WWOX: variants seen among roughly 807,000 people sequenced by gnomAD.
WWOX encodes the protein WW domain containing oxidoreductase.
Under a neutral mutation model 46.2 loss-of-function variants are expected in WWOX, and 69 were observed. That is an observed-to-expected ratio of 1.49 (90% CI 1.23 to 1.82). The LOEUF (loss-of-function observed/expected upper bound fraction) is 1.82, where lower values mean the gene tolerates loss of function less well. WWOX is among the 40% of genes most tolerant of loss of function. WWOX has a pLI of 0.00. For missense variants in WWOX, 919 were observed against 542.6 expected, an observed-to-expected ratio of 1.69 and a Z score of -6.89; for synonymous variants, 359 against 202.6, an observed-to-expected ratio of 1.77 and a Z score of -6.56.
intron 8 of WWOX, among the ~76,000 whole-genome samples, chr16:78,826,913 C>G (rs181825692): frequency 7.9e-5 from 12 of 152,316 alleles, no homozygotes; most frequent in Admixed American, 7.8e-4. Flanking sequence ...TCATTGATCA[C>G]ACACTACATG....
At position 78,346,576 on chromosome 16, in the gene WWOX, T is replaced by A. The variant is rs1399895897; in HGVS notation, c.517-40284T>A. Among the ~76,000 whole-genome samples the A allele has an allele frequency of 4.1e-5, 5 of 121,230 alleles. 1 individual carries two copies. The highest frequency in any genetic ancestry group is 3.9e-4 in the East Asian group (2 of 5,174). 79.5% of individuals were successfully genotyped at this position (121,230 alleles called of 152,430 possible). On this transcript the variant is annotated intron_variant, in intron 5 of 8. Coordinates refer to ENST00000566780, the MANE Select transcript of WWOX (RefSeq NM_016373.4). ...TAATAATACTTGATATTATTGGTCT[T>A]CTAAATTTTCTGTTTGGGTACATAG...
chr16:78,967,738 T>C (rs1170858959), intron 8 of WWOX, among the ~76,000 whole-genome samples: 1 of 151,920 alleles, frequency 6.6e-6, no homozygotes, highest in Non-Finnish European at 1.5e-5. Context: ...GGACCTGACT[T>C]AGGAGGACTC....
intron 8 of WWOX, among the ~76,000 whole-genome samples, chr16:78,740,782 C>T (rs968886341): frequency 3.3e-5 from 5 of 152,148 alleles, no homozygotes; most frequent in African/African-American, 7.2e-5. Context: ...GGTTGCAGCA[C>T]TCTGTGTGTG....
chr16:78,405,043 A>G (rs2082494898), intron 6 of WWOX, among the ~76,000 whole-genome samples: 1 of 152,184 alleles, frequency 6.6e-6, no homozygotes, highest in South Asian at 2.1e-4. Context: ...CCTATTTACA[A>G]TCAATGAGAT....
chr16:78,650,849 C>T (rs1203186824), intron 8 of WWOX, among the ~76,000 whole-genome samples: 2 of 152,154 alleles, frequency 1.3e-5, no homozygotes, highest in Non-Finnish European at 2.9e-5. Flanking sequence ...CTGATGTAGA[C>T]AGAATATTTC....
intron 8 of WWOX, among the ~76,000 whole-genome samples, chr16:78,625,744 TTTTTTGCCATTTGCCAATTACTTTTGCAG>T (rs2046296977): frequency 6.7e-6 from 1 of 148,548 alleles, no homozygotes; most frequent in African/African-American, 2.5e-5. Context: ...CTTCTGCAGT[TTTTTTGCCATTTGCCAATTACTTTTGCAG>T]TTTTTGCCAG....
intron 8 of WWOX, among the ~76,000 whole-genome samples, chr16:78,721,929 A>T (rs2048702101): frequency 6.6e-6 from 1 of 152,242 alleles, no homozygotes; most frequent in Admixed American, 6.5e-5. Flanking sequence ...CAACTTTGTA[A>T]ATGTGACTTT....
At chr16:79,108,001 A>G (rs117083354) in intron 8 of WWOX, among the ~76,000 whole-genome samples, 26 of 152,354 alleles carry the variant, frequency 1.7e-4, no homozygotes, top group East Asian at 3.9e-4. Flanking sequence ...CCTATTCAGC[A>G]TATGTATTAC....
intron 8 of WWOX, among the ~76,000 whole-genome samples, chr16:78,994,118 C>T (rs1329318266): frequency 6.6e-6 from 1 of 152,192 alleles, no homozygotes; most frequent in Admixed American, 6.5e-5. Flanking sequence ...TACCTGTCAA[C>T]ATTGGATAAA....
Position 78,969,174 on chromosome 16 carries a change from T to C in WWOX, c.1057-242434T>C, listed in dbSNP as rs553163175. 2.1e-3 allele frequency among the ~76,000 whole-genome samples: 314 copies of C among 152,104 alleles called. 1 individual carries two copies. Among genetic ancestry groups the C allele is most frequent in the Non-Finnish European group, 3.2e-3 (221 of 68,006 alleles). On this transcript the variant is annotated intron_variant, in intron 8 of 8. Coordinates refer to ENST00000566780, the MANE Select transcript of WWOX (RefSeq NM_016373.4). ...TGGTCTTATGGGTCTGGGCACTGAA[T>C]TCAGTCACAAACCCTAGCATGCTCC...
At chr16:78,514,457 A>G (rs566406051) in intron 8 of WWOX, among the ~76,000 whole-genome samples, 54 of 152,152 alleles carry the variant, frequency 3.5e-4, no homozygotes, top group Non-Finnish European at 5.7e-4. Context: ...TGTGGAGGTA[A>G]AAGCAGTGCA....
chr16:78,958,975 G>C (rs2046222391), intron 8 of WWOX, among the ~76,000 whole-genome samples: 1 of 152,202 alleles, frequency 6.6e-6, no homozygotes, highest in Non-Finnish European at 1.5e-5. Context: ...TAAATTATTT[G>C]CTAGGCCTTA....
At chr16:78,675,439 G>A (rs1251105455) in intron 8 of WWOX, among the ~76,000 whole-genome samples, 1 of 152,066 alleles carries the variant, frequency 6.6e-6, no homozygotes, top group African/African-American at 2.4e-5. Context: ...TAATTTATTG[G>A]TTATTTATTT....
intron 8 of WWOX, among the ~76,000 whole-genome samples, chr16:78,493,243 A>G (rs2084830093): frequency 6.6e-6 from 1 of 152,200 alleles, no homozygotes; most frequent in Non-Finnish European, 1.5e-5. Context: ...CTCTTTAACC[A>G]TAAGCAGAAG....
chr16:78,240,331 CAAA>C (rs1193525989), intron 5 of WWOX, among the ~76,000 whole-genome samples: 3 of 151,736 alleles, frequency 2.0e-5, no homozygotes, highest in African/African-American at 7.3e-5. Context: ...AAAATAACAC[CAAA>C]AGACAAAACA....
chr16:78,459,090 G>C (rs1162416681), intron 8 of WWOX, among the ~76,000 whole-genome samples: 2 of 152,174 alleles, frequency 1.3e-5, no homozygotes, highest in Non-Finnish European at 2.9e-5. Flanking sequence ...TGGAAGGACT[G>C]ATCCGCAAGG....
At chr16:78,530,235 C>T (rs1007374711) in intron 8 of WWOX, among the ~76,000 whole-genome samples, 2 of 152,124 alleles carry the variant, frequency 1.3e-5, no homozygotes, top group Admixed American at 1.3e-4. Context: ...TTTAGTTTTG[C>T]CATCCACGGA....
intron 8 of WWOX, among the ~76,000 whole-genome samples, chr16:79,003,400 C>T (rs1002185407): frequency 2.0e-5 from 3 of 152,192 alleles, no homozygotes; most frequent in South Asian, 2.1e-4. Flanking sequence ...CCATTATCAC[C>T]GTGAGGCCTC....
chr16:78,120,578 A>C (rs77314367), intron 4 of WWOX, among the ~76,000 whole-genome samples: 1 of 146,854 alleles, frequency 6.8e-6, no homozygotes, highest in Non-Finnish European at 1.5e-5. Flanking sequence ...CTCCGTCTCA[A>C]AAAAAAAAAA....
Sources: gnomAD v4.1 joint callset for allele counts (sites outside exome capture counted in the v4.1 genomes callset) on GRCh38, gnomAD v4.1.1 for gene constraint, MANE v1.5 for transcripts, NCBI Gene and HGNC (gene_info 2026-07-23, HGNC 2026-07-21) for gene names.